CNTN4: variants seen among roughly 807,000 people sequenced by gnomAD.
The protein encoded by CNTN4 is contactin 4, also known as contactin-4.
A neutral mutation model predicts 122.5 loss-of-function variants in CNTN4; 77 were observed. The observed-to-expected ratio is 0.63, with a 90% CI of 0.52 to 0.76. The LOEUF is 0.76. CNTN4 is among the 30% of genes least tolerant of loss of function. The probability of loss-of-function intolerance (pLI) is 0.00; values close to 1 mark genes in which losing one functional copy is unlikely to be tolerated. For synonymous variants in CNTN4, 512 were observed against 447.0 expected (o/e 1.15, Z -1.83); for missense variants, 1,256 against 1,259.1 (o/e 1.00, Z 0.04).
chr3:2,179,611 C>T (rs565797007), intron 2 of CNTN4, among the ~76,000 whole-genome samples: 11 of 152,030 alleles, frequency 7.2e-5, no homozygotes, highest in Admixed American at 5.9e-4. Context: ...TTATTTTTCT[C>T]ATAGTACTCT....
chr3:2,704,730 T>C (rs1559406911), intron 4 of CNTN4, among the ~76,000 whole-genome samples: 1 of 152,220 alleles, frequency 6.6e-6, no homozygotes, highest in Non-Finnish European at 1.5e-5. Flanking sequence ...TAGGTTCACA[T>C]TTTTATAAGA....
At chr3:2,720,684 C>T (rs1394119002) in intron 4 of CNTN4, among the ~76,000 whole-genome samples, 2 of 152,122 alleles carry the variant, frequency 1.3e-5, no homozygotes, top group Admixed American at 1.3e-4. Context: ...CCTTCCTATG[C>T]CAAACACTTC....
intron 3 of CNTN4, among the ~76,000 whole-genome samples, chr3:2,540,905 G>A (rs1245845339): frequency 6.6e-6 from 1 of 152,122 alleles, no homozygotes; most frequent in African/African-American, 2.4e-5. Flanking sequence ...AACTAACAAT[G>A]GAACCAATTG....
chr3:2,394,000 T>C (rs1266721644), intron 3 of CNTN4, among the ~76,000 whole-genome samples: 1 of 152,196 alleles, frequency 6.6e-6, no homozygotes. Context: ...ACTTTTAATA[T>C]TATTCTCATC....
chr3:2,375,748 T>TA, intron 3 of CNTN4, among the ~76,000 whole-genome samples: 1 of 152,270 alleles, frequency 6.6e-6, no homozygotes, highest in African/African-American at 2.4e-5. Context: ...TGTTACCGGG[T>TA]TTATGTGCCT....
chr3:2,116,618 C>G (rs2033372278), intron 2 of CNTN4, among the ~76,000 whole-genome samples: 1 of 152,040 alleles, frequency 6.6e-6, no homozygotes, highest in South Asian at 2.1e-4. Context: ...AAATAGGATT[C>G]CCTTTAAAAG....
At chr3:2,252,227 G>C (rs1196683355) in intron 2 of CNTN4, among the ~76,000 whole-genome samples, 2 of 151,862 alleles carry the variant, frequency 1.3e-5, no homozygotes, top group African/African-American at 4.8e-5. Context: ...CTATACTCTT[G>C]ATAAAGTTTT....
At chr3:3,041,206 C>T (rs1700135022) in intron 20 of CNTN4, 1 of 152,152 alleles carries the variant, frequency 6.6e-6, no homozygotes, top group Non-Finnish European at 1.5e-5. Flanking sequence ...TAACTTATTC[C>T]CAATCAGAGA....
rs559519449 is a variant in CNTN4 at position 2,741,218 on chromosome 3, C to T, written c.183-4304C>T. 1.6e-4 allele frequency among the ~76,000 whole-genome samples: 25 copies of T among 152,228 alleles called. 1 individual carries two copies. In the South Asian group the frequency reaches 5.0e-3, roughly 30 times the overall value. On this transcript the variant is annotated intron_variant, in intron 5 of 24. Coordinates refer to ENST00000418658, the MANE Select transcript of CNTN4 (RefSeq NM_175607.3). The stretch of plus-strand genomic sequence containing the variant: ...AATTTGAGGACTGCCTAGATGTGGA[C>T]GTAGTTGGAGTAGAATGATGTAACT...
intron 3 of CNTN4, among the ~76,000 whole-genome samples, chr3:2,470,529 A>T (rs1301739100): frequency 6.6e-6 from 1 of 152,134 alleles, no homozygotes; most frequent in East Asian, 1.9e-4. Context: ...TTGTAGATGT[A>T]TCTCTTAACT....
chr3:2,480,913 C>A (rs562060563), intron 3 of CNTN4, among the ~76,000 whole-genome samples: 2 of 152,132 alleles, frequency 1.3e-5, no homozygotes, highest in South Asian at 4.1e-4. Flanking sequence ...TAGATCAGAA[C>A]AGAGAGCCCA....
intron 3 of CNTN4, among the ~76,000 whole-genome samples, chr3:2,508,531 G>A (rs1382871): frequency 0.61 from 92,151 of 151,978 alleles, 28,861 homozygotes; most frequent in Admixed American, 0.68. Context: ...GCTGTATTTA[G>A]CTTGGTGAAT....
At chr3:2,930,744 A>G (rs1425907518) in intron 13 of CNTN4, among the ~76,000 whole-genome samples, 1 of 152,298 alleles carries the variant, frequency 6.6e-6, no homozygotes, top group South Asian at 2.1e-4. Flanking sequence ...AGCCAATTCC[A>G]GTTTCATTCC....
At chr3:2,981,391 C>T (rs1693987808) in intron 13 of CNTN4, among the ~76,000 whole-genome samples, 1 of 151,896 alleles carries the variant, frequency 6.6e-6, no homozygotes, top group Non-Finnish European at 1.5e-5. Context: ...TTGCAGTGAG[C>T]CGAGATCGCA....
Position 2,258,166 on chromosome 3 carries a change from A to G in CNTN4, c.-144-81012A>G, listed in dbSNP as rs955028485. Among the ~76,000 whole-genome samples, 6 of 152,360 alleles carry G rather than the reference A, an allele frequency of 3.9e-5. No individual in the cohort carries two copies. In the South Asian group the frequency reaches 8.3e-4, roughly 21 times the overall value. ...GGTGGGAGTGTAAATTAGTTCAACT[A>G]TTGCGGAAGACAGTGTGGCAATTCC... On this transcript the variant is annotated intron_variant, in intron 2 of 24. Transcript: ENST00000418658.
At chr3:3,005,976 C>T (rs1261579487) in intron 14 of CNTN4, among the ~76,000 whole-genome samples, 1 of 151,496 alleles carries the variant, frequency 6.6e-6, no homozygotes, top group African/African-American at 2.4e-5. Context: ...AGCTCTGCCT[C>T]CCAGGTTCAC....
At chr3:2,683,246 A>G (rs1360572756) in intron 4 of CNTN4, among the ~76,000 whole-genome samples, 3 of 152,078 alleles carry the variant, frequency 2.0e-5, no homozygotes, top group Non-Finnish European at 4.4e-5. Flanking sequence ...AAAAGTAAAG[A>G]TAAGGCTGCT....
chr3:2,341,384 T>A (rs2044205832), intron 3 of CNTN4, among the ~76,000 whole-genome samples: 1 of 152,186 alleles, frequency 6.6e-6, no homozygotes, highest in Non-Finnish European at 1.5e-5. Flanking sequence ...AGTGATTGCA[T>A]CTTCTTGTTC....
intron 4 of CNTN4, among the ~76,000 whole-genome samples, chr3:2,619,568 T>A (rs535044561): frequency 9.8e-5 from 15 of 152,296 alleles, no homozygotes; most frequent in African/African-American, 3.4e-4. Context: ...TGGATCATAA[T>A]TGTAAAATGA....
Sources: gnomAD v4.1 joint callset for allele counts (sites outside exome capture counted in the v4.1 genomes callset) on GRCh38, gnomAD v4.1.1 for gene constraint, MANE v1.5 for transcripts, NCBI Gene and HGNC (gene_info 2026-07-23, HGNC 2026-07-21) for gene names.